Variants in CACNA2D3 observed in about 807,000 individuals in gnomAD.
CACNA2D3 encodes the protein calcium voltage-gated channel auxiliary subunit alpha2delta 3.
A neutral mutation model predicts 160.6 loss-of-function variants in CACNA2D3; 60 were observed. The observed-to-expected ratio is 0.37, with a 90% confidence interval of 0.30 to 0.46. The LOEUF (loss-of-function observed/expected upper bound fraction) is 0.46. Ranked by LOEUF, CACNA2D3 falls within the 20% of genes least tolerant of loss-of-function variation. CACNA2D3 has a pLI of 1.00. For missense variants in CACNA2D3, 1,205 were observed against 1,365.0 expected (o/e 0.88, Z 1.85); for synonymous variants, 558 against 492.9 (o/e 1.13, Z -1.75).
intron 27 of CACNA2D3, among the ~76,000 whole-genome samples, chr3:54,960,324 T>C (rs1265582100): frequency 6.6e-6 from 1 of 152,142 alleles, no homozygotes; most frequent in East Asian, 1.9e-4. Context: ...TTTAAAAGCA[T>C]GTATAAGAAA....
At chr3:54,424,883 C>T (rs557730771) in intron 4 of CACNA2D3, among the ~76,000 whole-genome samples, 83 of 152,300 alleles carry the variant, frequency 5.4e-4, no homozygotes, top group Non-Finnish European at 9.3e-4. Context: ...CAAATCTTTC[C>T]GATTACCACG....
intron 13 of CACNA2D3, among the ~76,000 whole-genome samples, chr3:54,804,733 A>C (rs1456716763): frequency 6.6e-6 from 1 of 152,170 alleles, no homozygotes; most frequent in African/African-American, 2.4e-5. Context: ...TCCACCCCAA[A>C]TCCACAGAAC....
chr3:54,871,239 G>A (rs994553914), intron 17 of CACNA2D3, among the ~76,000 whole-genome samples: 2 of 149,230 alleles, frequency 1.3e-5, no homozygotes, highest in Non-Finnish European at 1.5e-5. Context: ...CATTCAAGGA[G>A]GGGACAGATT....
At chr3:54,451,245 T>A (rs1177873690) in intron 4 of CACNA2D3, among the ~76,000 whole-genome samples, 3 of 117,608 alleles carry the variant, frequency 2.6e-5, no homozygotes, top group African/African-American at 9.8e-5. Flanking sequence ...TTTTTTTTTT[T>A]TTTTTTTTTT....
chr3:54,721,286 CAT>C (rs964768356), intron 11 of CACNA2D3, among the ~76,000 whole-genome samples: 2 of 152,258 alleles, frequency 1.3e-5, no homozygotes, highest in South Asian at 2.1e-4. Flanking sequence ...TAGAGTGACT[CAT>C]ATGGATTTTC....
intron 2 of CACNA2D3, among the ~76,000 whole-genome samples, chr3:54,273,347 CTTCT>C: frequency 1.3e-5 from 2 of 152,270 alleles, no homozygotes; most frequent in Admixed American, 1.3e-4. Context: ...TCTCCCTCTC[CTTCT>C]TTGTCTCTTT....
chr3:54,445,802 C>T (rs1456554027), intron 4 of CACNA2D3, among the ~76,000 whole-genome samples: 3 of 152,140 alleles, frequency 2.0e-5, no homozygotes, highest in Non-Finnish European at 4.4e-5. Flanking sequence ...GATGGGCCAG[C>T]AGTTCTGTGC....
rs59985203 is a variant in CACNA2D3 at position 55,067,716 on chromosome 3, G to GATACATACATACATACATAC, written c.2988-5717_2988-5698dup. ...CCTTTATTTATACATCCATGCATTA[G>GATACATACATACATACATAC]ATACATACATACATACATACATACA... is the stretch of plus-strand genomic sequence containing the variant. On this transcript the variant is annotated intron_variant, in intron 35 of 37. Transcript: ENST00000474759. Among the ~76,000 whole-genome samples, 299 of 151,204 alleles carry GATACATACATACATACATAC rather than the reference G, an allele frequency of 2.0e-3. 1 individual carries two copies. Among genetic ancestry groups the GATACATACATACATACATAC allele is most frequent in the African/African-American group, 6.1e-3 (250 of 41,118 alleles).
At chr3:54,639,688 G>C (rs1190388072) in intron 10 of CACNA2D3, 1 of 208,808 alleles carries the variant, frequency 4.8e-6, no homozygotes, top group Non-Finnish European at 9.5e-6. Flanking sequence ...ACGGAGCAAA[G>C]AGCAGGAGGA....
chr3:54,303,826 T>TTTTTTTTTG (rs1703534260), intron 2 of CACNA2D3, among the ~76,000 whole-genome samples: 1 of 143,834 alleles, frequency 7.0e-6, no homozygotes, highest in Non-Finnish European at 1.5e-5. Flanking sequence ...CTGTTTTTTT[T>TTTTTTTTTG]TTTTTTTTTT....
chr3:54,468,841 A>C (rs1700676992), intron 4 of CACNA2D3, among the ~76,000 whole-genome samples: 1 of 152,198 alleles, frequency 6.6e-6, no homozygotes, highest in South Asian at 2.1e-4. Flanking sequence ...AGCCCACTGC[A>C]GCTCAGCAAA....
intron 16 of CACNA2D3, among the ~76,000 whole-genome samples, chr3:54,842,306 C>T (rs550470050): frequency 6.6e-6 from 1 of 152,332 alleles, no homozygotes; most frequent in Admixed American, 6.5e-5. Flanking sequence ...GAAGGACTGG[C>T]TGTGCATCTC....
chr3:54,213,848 T>C (rs1006860795), intron 2 of CACNA2D3, among the ~76,000 whole-genome samples: 5 of 152,222 alleles, frequency 3.3e-5, no homozygotes, highest in African/African-American at 1.2e-4. Flanking sequence ...TGGAGAAAGC[T>C]AATGGCATTG....
chr3:54,636,741 C>T (rs374166365), intron 10 of CACNA2D3, among the ~76,000 whole-genome samples: 29 of 151,880 alleles, frequency 1.9e-4, no homozygotes, highest in African/African-American at 5.3e-4. Context: ...GGAGATTAAT[C>T]GGACACGATC....
chr3:54,433,176 AC>A (rs954015192), intron 4 of CACNA2D3, among the ~76,000 whole-genome samples: 26 of 152,238 alleles, frequency 1.7e-4, no homozygotes, highest in African/African-American at 6.0e-4. Context: ...CTCATTTGGG[AC>A]CATGAGTGTT....
chr3:54,853,906 G>A (rs533803534), intron 17 of CACNA2D3, among the ~76,000 whole-genome samples: 27 of 152,234 alleles, frequency 1.8e-4, no homozygotes, highest in Admixed American at 1.3e-3. Flanking sequence ...CATTGTTCAC[G>A]GAACTTTCGG....
In CACNA2D3 at chr3:54,251,915, C is replaced by T. The variant is rs181599075; in HGVS notation, c.205-68527C>T. On this transcript the variant is annotated intron_variant, in intron 2 of 37. Coordinates refer to ENST00000474759, the MANE Select transcript of CACNA2D3 (RefSeq NM_018398.3). ...GAAGACCTGCTGGGTTATAGCGAGG[C>T]CCTGGTGTTTTACTGTTCCAGCTTG... Among the ~76,000 whole-genome samples the T allele has an allele frequency of 1.1e-3, 168 of 152,220 alleles. 1 individual carries two copies. The highest frequency in any genetic ancestry group is 3.9e-3 in the African/African-American group (160 of 41,532).
chr3:55,060,346 GTGGTGA>G (rs1184002072), intron 35 of CACNA2D3, among the ~76,000 whole-genome samples: 1 of 152,186 alleles, frequency 6.6e-6, no homozygotes, highest in Non-Finnish European at 1.5e-5. Context: ...GACGATGTTG[GTGGTGA>G]TGGTGATGGT....
chr3:54,348,974 T>C (rs754527603), intron 3 of CACNA2D3, among the ~76,000 whole-genome samples: 5 of 152,164 alleles, frequency 3.3e-5, no homozygotes, highest in Non-Finnish European at 7.3e-5. Flanking sequence ...GTTATCCTCC[T>C]GCCTCAGCCT....
Sources: allele counts gnomAD v4.1 joint callset (sites outside exome capture counted in the v4.1 genomes callset), GRCh38; gene constraint gnomAD v4.1.1; transcripts MANE v1.5; gene names NCBI Gene and HGNC (gene_info 2026-07-23, HGNC 2026-07-21).